Variants in KCNK2 observed in about 807,000 individuals in gnomAD.
KCNK2 encodes potassium channel subfamily K member 2.
KCNK2 carries 21 observed loss-of-function variants against 40.5 expected under a neutral mutation model. The ratio of observed to expected loss-of-function variants is 0.52; its 90% CI spans 0.37 to 0.75. The LOEUF (loss-of-function observed/expected upper bound fraction) is 0.75. KCNK2 is among the 30% of genes least tolerant of loss of function. The pLI is 0.00. For synonymous variants in KCNK2, 191 were observed against 202.2 expected (o/e 0.94, Z 0.47); for missense variants, 399 against 531.6 (o/e 0.75, Z 2.45).
At chr1:215,040,548 G>C (rs1441258835) in intron 1 of KCNK2, among the ~76,000 whole-genome samples, 1 of 152,134 alleles carries the variant, frequency 6.6e-6, no homozygotes, top group African/African-American at 2.4e-5. Context: ...TGGGGATCCT[G>C]GGGCTTAATA....
intron 3 of KCNK2, among the ~76,000 whole-genome samples, chr1:215,152,139 A>T (rs1241685101): frequency 6.6e-6 from 1 of 152,062 alleles, no homozygotes; most frequent in Non-Finnish European, 1.5e-5. Context: ...TTGTCCCAGT[A>T]TGGAGTTATT....
At chr1:215,034,334 G>A (rs560642879) in intron 1 of KCNK2, among the ~76,000 whole-genome samples, 2 of 137,882 alleles carry the variant, frequency 1.5e-5, no homozygotes, top group Non-Finnish European at 3.1e-5. Context: ...CAGCTGATGG[G>A]CACTTATGTT....
At chr1:215,083,745 A>G in intron 1 of KCNK2, 1 of 468,864 alleles carries the variant, frequency 2.1e-6, no homozygotes, top group Non-Finnish European at 3.9e-6. Context: ...GGCAGGACTC[A>G]TGGTGACCCC....
At chr1:215,175,157 A>G (rs1199090799) in intron 5 of KCNK2, among the ~76,000 whole-genome samples, 1 of 152,126 alleles carries the variant, frequency 6.6e-6, no homozygotes, top group African/African-American at 2.4e-5. Context: ...TGCCTAATTT[A>G]TTGAGAGTTT....
chr1:215,187,791 A>G (rs1040844763), intron 5 of KCNK2, among the ~76,000 whole-genome samples: 22 of 151,130 alleles, frequency 1.5e-4, no homozygotes, highest in Admixed American at 1.3e-3. Flanking sequence ...GCAGTGAACT[A>G]TGATTGCACC....
intron 6 of KCNK2, among the ~76,000 whole-genome samples, chr1:215,230,478 TAC>T (rs1160868753): frequency 2.8e-3 from 242 of 84,942 alleles, no homozygotes; most frequent in African/African-American, 0.012. Flanking sequence ...GATATATATA[TAC>T]ACACACACAC....
chr1:215,036,144 T>TC (rs1657376573), intron 1 of KCNK2, among the ~76,000 whole-genome samples: 3 of 151,570 alleles, frequency 2.0e-5, no homozygotes, highest in African/African-American at 7.3e-5. Flanking sequence ...TTTTTTTTTT[T>TC]CCTAGAAAAT....
At chr1:215,149,792 A>G (rs1374645985) in intron 3 of KCNK2, among the ~76,000 whole-genome samples, 1 of 152,222 alleles carries the variant, frequency 6.6e-6, no homozygotes, top group African/African-American at 2.4e-5. Context: ...CCACCATTTC[A>G]GTGAAGGCCA....
In KCNK2 at chr1:215,229,539, C is replaced by T. The variant is rs572367918; in HGVS notation, c.964-5289C>T. 4.8e-4 allele frequency among the ~76,000 whole-genome samples: 73 copies of T among 151,956 alleles called. 2 individuals are homozygous for T. The South Asian group carries it at 0.014, about 30-fold the overall frequency. Reference sequence around the variant, plus strand: ...AATTAGCTGGGCATGGGAGCATGCACCATAGTCCAAGCTACTTGGAAGGCT... The same window carrying T: ...AATTAGCTGGGCATGGGAGCATGCATCATAGTCCAAGCTACTTGGAAGGCT... On this transcript the variant is annotated intron_variant, in intron 6 of 6. Transcript: ENST00000444842.
chr1:215,071,338 A>T (rs577745026), intron 1 of KCNK2, among the ~76,000 whole-genome samples: 1 of 152,324 alleles, frequency 6.6e-6, no homozygotes, highest in Admixed American at 6.5e-5. Context: ...GGGATGATAG[A>T]TGAGAGTGTC....
intron 1 of KCNK2, among the ~76,000 whole-genome samples, chr1:215,028,631 A>G (rs930392762): frequency 3.3e-5 from 5 of 152,114 alleles, no homozygotes; most frequent in Non-Finnish European, 7.4e-5. Flanking sequence ...AGCTATGCAT[A>G]TTTCTTTGAA....
intron 5 of KCNK2, among the ~76,000 whole-genome samples, chr1:215,175,350 G>T (rs1663916031): frequency 6.6e-6 from 1 of 152,058 alleles, no homozygotes; most frequent in South Asian, 2.1e-4. Context: ...GAAAGGTGGA[G>T]TTAAATATTT....
intron 6 of KCNK2, among the ~76,000 whole-genome samples, chr1:215,213,097 T>C (rs1326338389): frequency 1.3e-5 from 2 of 152,188 alleles, no homozygotes; most frequent in African/African-American, 4.8e-5. Flanking sequence ...CATCATGCAG[T>C]TTACAGGCTA....
Position 215,197,650 on chromosome 1 carries a change from G to C in KCNK2, c.963+2558G>C, listed in dbSNP as rs1467469265. On this transcript the variant is annotated intron_variant, in intron 6 of 6. Coordinates refer to ENST00000444842, the MANE Select transcript of KCNK2 (RefSeq NM_001017425.3). ...ATGACTTTTGGGGAGACACAAATCAGGCCATAACACCATCTTTTCAAATAA... is the reference window on the plus strand; with the variant it reads ...ATGACTTTTGGGGAGACACAAATCACGCCATAACACCATCTTTTCAAATAA... Among the ~76,000 whole-genome samples, 7 of 152,200 alleles carry C rather than the reference G, an allele frequency of 4.6e-5. 1 individual carries two copies. The South Asian group carries it at 8.3e-4, about 18-fold the overall frequency.
At position 215,083,194 on chromosome 1, in the gene KCNK2, T is replaced by TCCCCCCCCCCCCCCCCCCCCCCCC; in HGVS notation, c.-183_-182insCCCCCCCCCCCCCCCCCCCCCCCC. ...CCCGCGATTTCGTTTCTTCTCACGC[T>TCCCCCCCCCCCCCCCCCCCCCCCC]CCCCCCCCCGCCCCCTCCCGCGTCC... On this transcript the variant is annotated 5_prime_UTR_variant, in exon 1 of 7. Transcript: ENST00000444842. 8 of 501,814 alleles carry TCCCCCCCCCCCCCCCCCCCCCCCC rather than the reference T, an allele frequency of 1.6e-5. 1 individual carries two copies. Among genetic ancestry groups the TCCCCCCCCCCCCCCCCCCCCCCCC allele is most frequent in the South Asian group, 6.1e-5 (3 of 49,324 alleles). The allele number at this position is 501,814 out of a possible 1,614,324, so 31.1% of individuals were successfully genotyped here.
chr1:215,080,434 C>T (rs2102522241), upstream of KCNK2, among the ~76,000 whole-genome samples: 1 of 152,250 alleles, frequency 6.6e-6, no homozygotes, highest in African/African-American at 2.4e-5. Flanking sequence ...GAAAATGATT[C>T]AGAATATAGT....
chr1:215,129,112 G>A (rs562288828), intron 3 of KCNK2, among the ~76,000 whole-genome samples: 1 of 152,246 alleles, frequency 6.6e-6, no homozygotes, highest in South Asian at 2.1e-4. Flanking sequence ...TTAGATACAA[G>A]AATCAATAGG....
chr1:215,230,766 C>A (rs904299927), intron 6 of KCNK2, among the ~76,000 whole-genome samples: 2 of 151,594 alleles, frequency 1.3e-5, no homozygotes, highest in Non-Finnish European at 2.9e-5. Context: ...TTCATCCCCC[C>A]ACCTGTCCCA....
At chr1:215,128,278 G>C (rs114100551) in intron 3 of KCNK2, among the ~76,000 whole-genome samples, 2,060 of 152,240 alleles carry the variant, frequency 0.014, 33 homozygotes, top group Non-Finnish European at 0.018. Flanking sequence ...AAGATCAGAG[G>C]TAAAAGACAG....
Sources: gnomAD v4.1 joint callset for allele counts (sites outside exome capture counted in the v4.1 genomes callset) on GRCh38, gnomAD v4.1.1 for gene constraint, MANE v1.5 for transcripts, NCBI Gene and HGNC (gene_info 2026-07-23, HGNC 2026-07-21) for gene names.